GTF3C1: variants seen among roughly 807,000 people sequenced by gnomAD.
GTF3C1 encodes the protein general transcription factor 3C polypeptide 1.
GTF3C1 carries 57 observed loss-of-function variants against 226.7 expected under a neutral mutation model. The ratio of observed to expected loss-of-function variants is 0.25; its 90% CI spans 0.20 to 0.31. GTF3C1 has a LOEUF of 0.31. GTF3C1 is among the 10% of genes least tolerant of loss of function. The pLI, the probability that GTF3C1 is intolerant of heterozygous loss-of-function variation, is 1.00. For missense variants in GTF3C1, 2,217 were observed against 2,776.1 expected (o/e 0.80, Z 4.53); for synonymous variants, 1,090 against 1,084.8 (o/e 1.00, Z -0.09).
chr16:27,468,653 T>C (rs2087818978), intron 32 of GTF3C1, among the ~76,000 whole-genome samples: 1 of 151,646 alleles, frequency 6.6e-6, no homozygotes, highest in South Asian at 2.1e-4. Context: ...TCCCATCACT[T>C]TGGGAGGCGG....
intron 23 of GTF3C1, among the ~76,000 whole-genome samples, chr16:27,487,241 T>C (rs912373150): frequency 1.1e-4 from 16 of 152,244 alleles, no homozygotes; most frequent in African/African-American, 9.6e-5. Context: ...TTTCAACTGA[T>C]GGAATGCTAT....
intron 14 of GTF3C1, 39 bp downstream of exon 14, chr16:27,497,598 T>A: frequency 1.3e-6 from 2 of 1,532,720 alleles, no homozygotes; most frequent in Non-Finnish European, 1.8e-6. Context: ...AAACAACAAA[T>A]CAAATGTAAC....
intron 29 of GTF3C1, among the ~76,000 whole-genome samples, chr16:27,473,723 T>TA (rs1409893117): frequency 3.9e-5 from 6 of 152,176 alleles, no homozygotes; most frequent in Admixed American, 2.6e-4. Flanking sequence ...CCCTGGAGCG[T>TA]ATCTGAATGA....
intron 14 of GTF3C1, 105 bp downstream of exon 14, chr16:27,497,532 T>C: frequency 1.2e-6 from 1 of 863,180 alleles, no homozygotes; most frequent in East Asian, 2.5e-5. Context: ...GCGATTCTTC[T>C]GACTGCGGCT....
rs1294986196 is a variant in GTF3C1 at position 27,481,235 on chromosome 16, A to G, written c.4084-44T>C. On this transcript the variant is annotated intron_variant, in intron 26 of 36. Transcript: ENST00000356183. ...GAGAGGTTAAGCCCTTACTCTTCCT[A>G]AAGGGAGGTTTTGCTAAGATGCACC... 3.2e-6 allele frequency: 5 copies of G among 1,552,294 alleles called. No individual in the cohort carries two copies. The African/African-American group carries it at 6.8e-5, about 21-fold the overall frequency.
At chr16:27,468,037 A>T (rs552739095) in intron 32 of GTF3C1, among the ~76,000 whole-genome samples, 34 of 152,084 alleles carry the variant, frequency 2.2e-4, no homozygotes, top group Non-Finnish European at 4.7e-4. Context: ...TACCAGCATC[A>T]ACAGGAGTTT....
chr16:27,506,267 TC>T, intron 9 of GTF3C1, 151 bp from the exon 10 acceptor site: 1 of 600,824 alleles, frequency 1.7e-6, no homozygotes, highest in South Asian at 2.0e-5. Context: ...CTTGGGCCCC[TC>T]CTTCTGGCCT....
At chr16:27,498,884 C>T in intron 12 of GTF3C1, 151 bp from the exon 13 acceptor site, 3 of 626,904 alleles carry the variant, frequency 4.8e-6, no homozygotes, top group Middle Eastern at 3.4e-4. Context: ...ATTTGTTGCT[C>T]AACAGTTTGC....
Position 27,461,263 on chromosome 16 carries a change from G to T in GTF3C1, c.*87C>A. On this transcript the variant is annotated 3_prime_UTR_variant, in exon 37 of 37. Transcript: ENST00000356183. The surrounding 1 kb of genome is among the most constrained non-coding windows in gnomAD (Gnocchi z 5.3). ...GCTGCAGGAGGCTCGGCAGACCCAA[G>T]GCCAGGGCACAGTGGGGTCTGCCGA... The T allele has an allele frequency of 1.2e-6, 1 of 826,190 alleles. No homozygotes were observed. The allele number at this position is 826,190 out of a possible 1,614,324, so 51.2% of individuals were successfully genotyped here. A position where few individuals can be genotyped will look rare whatever the true frequency, so the allele number is the denominator to read the frequency against.
chr16:27,539,245 T>C (rs982302248), intron 2 of GTF3C1, among the ~76,000 whole-genome samples: 17 of 152,144 alleles, frequency 1.1e-4, no homozygotes, highest in African/African-American at 3.6e-4. Flanking sequence ...GCAGTCTCAT[T>C]TTGACTTCAC....
chr16:27,494,868 T>C lies in GTF3C1; in HGVS notation c.2673A>G (p.Pro891=), dbSNP rs1460547722. The change falls in exon 16 of 37, where the codon CCA becomes CCG. Residue 891 remains proline (P), a synonymous_variant. Transcript: ENST00000356183. ...DDASWMRYIP[P]IPVHRDFGFG... ...AGCCGAAGTCCCTGTGGACTGGGATTGGGGGGATGTAGCGCATCCACGAGG... is the reference window on the plus strand; with the variant it reads ...AGCCGAAGTCCCTGTGGACTGGGATCGGGGGGATGTAGCGCATCCACGAGG... 6.2e-7 allele frequency: 1 copy of C among 1,613,278 alleles called. No homozygotes were observed.
chr16:27,528,200 G>A (rs232087), intron 6 of GTF3C1, among the ~76,000 whole-genome samples: 25,005 of 152,156 alleles, frequency 0.16, 2,206 homozygotes, highest in Middle Eastern at 0.22. Flanking sequence ...GCTTGAACCC[G>A]AAAGGCAGAG....
chr16:27,468,276 G>A (rs1011890576), intron 32 of GTF3C1, among the ~76,000 whole-genome samples: 3 of 152,210 alleles, frequency 2.0e-5, no homozygotes, highest in Admixed American at 1.3e-4. Context: ...TCTACTCCTG[G>A]TAAAGACGCT....
intron 27 of GTF3C1, 90 bp downstream of exon 27, chr16:27,480,989 G>A (rs2088035807): frequency 8.7e-6 from 9 of 1,033,726 alleles, no homozygotes; most frequent in African/African-American, 1.6e-5. Flanking sequence ...GGTGCTGTGC[G>A]CTTCCCGGAC....
chr16:27,519,890 T>C (rs1648992021), intron 6 of GTF3C1, among the ~76,000 whole-genome samples: 1 of 152,222 alleles, frequency 6.6e-6, no homozygotes, highest in East Asian at 1.9e-4. Flanking sequence ...GAGGATCACT[T>C]GAGCCCAAGA....
In GTF3C1 at chr16:27,542,648, T is replaced by C. The variant is rs556525784; in HGVS notation, c.431+2666A>G. Among the ~76,000 whole-genome samples the C allele has an allele frequency of 2.0e-3, 298 of 152,108 alleles. 1 individual carries two copies. Among genetic ancestry groups the C allele is most frequent in the Non-Finnish European group, 3.1e-3 (208 of 67,978 alleles). ...TAGAAGGTGTTTGGGTAGTGGGGGA[T>C]GGATCCCTCATAAATAGATTAATGC... On this transcript the variant is annotated intron_variant, in intron 2 of 36. Transcript: ENST00000356183.
In GTF3C1 at chr16:27,462,425, G is replaced by A; in HGVS notation, c.5986C>T (p.Leu1996Phe). ...TCCATCATACCCTTGCATACAGGAA[G>A]GTTCAGGTGGCCATCCACGACACGC... is the stretch of plus-strand genomic sequence containing the variant. ...PWRVVDGHLN[L>F]PVCKGMMEAM... The change falls in exon 36 of 37, where the codon CTT (leucine) becomes TTT (phenylalanine). Residue 1996 changes from leucine to phenylalanine, a missense_variant. Leu to Phe is a conservative substitution (Grantham distance 22, BLOSUM62 0). Transcript: ENST00000356183. This position sits in a 1 kb window ranked among gnomAD's most constrained non-coding sequence, Gnocchi z 4.5. 1.2e-6 allele frequency: 2 copies of A among 1,613,426 alleles called. No homozygotes were observed.
At position 27,531,220 on chromosome 16, in the gene GTF3C1, A is replaced by G. The variant is rs146742207; in HGVS notation, c.849+2071T>C. On this transcript the variant is annotated intron_variant, in intron 5 of 36. Coordinates refer to ENST00000356183, the MANE Select transcript of GTF3C1 (RefSeq NM_001520.4). ...AGGCTAAAGTCCCCACTCCTCAGCC[A>G]GCACTCCAGTCCTTTCTGATTGGGC... 2.9e-3 allele frequency among the ~76,000 whole-genome samples: 447 copies of G among 152,342 alleles called. 1 individual carries two copies. The highest frequency in any genetic ancestry group is 4.4e-3 in the Non-Finnish European group (297 of 68,028).
chr16:27,474,304 A>G (rs2087921031), intron 29 of GTF3C1, among the ~76,000 whole-genome samples: 1 of 152,216 alleles, frequency 6.6e-6, no homozygotes, highest in Non-Finnish European at 1.5e-5. Flanking sequence ...GGTACCACAC[A>G]TCAGAGCCCA....
Sources: gnomAD v4.1 joint callset for allele counts (sites outside exome capture counted in the v4.1 genomes callset) on GRCh38, gnomAD v4.1.1 for gene constraint, Gnocchi (gnomAD v3.1) non-coding constraint, MANE v1.5 for transcripts, NCBI Gene and HGNC (gene_info 2026-07-23, HGNC 2026-07-21) for gene names.